The following PTPRD variants were observed in gnomAD, a reference collection of about 807,000 sequenced individuals.
PTPRD encodes receptor-type tyrosine-protein phosphatase delta.
Under a neutral mutation model 214.5 loss-of-function variants are expected in PTPRD, and 34 were observed. The ratio of observed to expected loss-of-function variants is 0.16; its 90% CI spans 0.12 to 0.21. PTPRD has a LOEUF of 0.21. PTPRD is among the 10% of genes least tolerant of loss of function. The probability of loss-of-function intolerance (pLI) is 1.00; values close to 1 mark genes in which losing one functional copy is unlikely to be tolerated. For missense variants in PTPRD, 2,545 were observed against 2,398.7 expected (o/e 1.06, Z -1.27); for synonymous variants, 1,128 against 845.7 (o/e 1.33, Z -5.79).
In PTPRD at chr9:10,542,649, C is replaced by T. The variant is rs182280874; in HGVS notation, c.-600+69749G>A. Among the ~76,000 whole-genome samples the T allele has an allele frequency of 1.9e-3, 294 of 152,156 alleles. 2 individuals carry two copies. Among genetic ancestry groups the T allele is most frequent in the African/African-American group, 6.9e-3 (286 of 41,532 alleles). On this transcript the variant is annotated intron_variant, in intron 2 of 45. Coordinates refer to ENST00000381196, the MANE Select transcript of PTPRD (RefSeq NM_002839.4). ...ATCACTTACCTTTATATTGGTAACA[C>T]ATATATTCACAGTGAAATATTGTAG...
At chr9:9,756,091 G>C (rs1428350445) in intron 6 of PTPRD, among the ~76,000 whole-genome samples, 1 of 151,832 alleles carries the variant, frequency 6.6e-6, no homozygotes, top group African/African-American at 2.4e-5. Context: ...TTTAGATTGA[G>C]GATATCTGGA....
At chr9:9,518,707 G>C (rs570278301) in intron 8 of PTPRD, among the ~76,000 whole-genome samples, 1 of 151,990 alleles carries the variant, frequency 6.6e-6, no homozygotes, top group South Asian at 2.1e-4. Flanking sequence ...GTGTGAAAGA[G>C]TTTTAATGTA....
intron 14 of PTPRD, among the ~76,000 whole-genome samples, chr9:8,621,465 T>C (rs1423743173): frequency 6.6e-6 from 1 of 152,006 alleles, no homozygotes; most frequent in Admixed American, 6.6e-5. Context: ...AAAGATTGGC[T>C]CAAACCCCAG....
intron 3 of PTPRD, among the ~76,000 whole-genome samples, chr9:10,332,811 C>T (rs1308421418): frequency 6.6e-6 from 1 of 151,820 alleles, no homozygotes; most frequent in Non-Finnish European, 1.5e-5. Context: ...ATGAGCCTCT[C>T]AGGACAGTTT....
At chr9:9,758,513 G>C (rs111573057) in intron 6 of PTPRD, among the ~76,000 whole-genome samples, 2,008 of 152,226 alleles carry the variant, frequency 0.013, 28 homozygotes, top group African/African-American at 0.029. Context: ...GATTGTGAGA[G>C]AGGCAGCGTG....
At position 8,456,339 on chromosome 9, in the gene PTPRD, G is replaced by A. The variant is rs558052115; in HGVS notation, c.3875+4072C>T. ...GCCCGAACTGCTAGAGAGGGGAGGA[G>A]AAGAGAGGACAGAAAATGAGGCAGG... On this transcript the variant is annotated intron_variant, in intron 33 of 45. Transcript: ENST00000381196. Among the ~76,000 whole-genome samples, 5 of 152,248 alleles carry A rather than the reference G, an allele frequency of 3.3e-5. No homozygotes were observed. In the South Asian group the frequency reaches 8.3e-4, roughly 25 times the overall value.
At chr9:8,492,400 C>T (rs141063278) in intron 27 of PTPRD, among the ~76,000 whole-genome samples, 1 of 152,184 alleles carries the variant, frequency 6.6e-6, no homozygotes, top group African/African-American at 2.4e-5. Context: ...ACCAGAACTT[C>T]TCAGCCCCTA....
At chr9:9,719,783 C>G (rs1014255626) in intron 7 of PTPRD, among the ~76,000 whole-genome samples, 3 of 152,190 alleles carry the variant, frequency 2.0e-5, no homozygotes, top group African/African-American at 7.2e-5. Flanking sequence ...TTTCTGGCAT[C>G]TCTACGCTTT....
At chr9:10,017,227 T>C (rs1001653215) in intron 4 of PTPRD, among the ~76,000 whole-genome samples, 1 of 152,206 alleles carries the variant, frequency 6.6e-6, no homozygotes, top group East Asian at 1.9e-4. Flanking sequence ...ATTGATAGCA[T>C]ATTTTCATAA....
At chr9:8,667,701 T>A (rs1205725911) in intron 12 of PTPRD, among the ~76,000 whole-genome samples, 2 of 152,122 alleles carry the variant, frequency 1.3e-5, no homozygotes, top group Non-Finnish European at 2.9e-5. Context: ...GAATTTTGTG[T>A]TTAGACTTGG....
intron 32 of PTPRD, among the ~76,000 whole-genome samples, chr9:8,461,903 G>A (rs974752128): frequency 6.6e-5 from 10 of 151,736 alleles, no homozygotes; most frequent in Non-Finnish European, 1.2e-4. Flanking sequence ...TCCAGCCTTG[G>A]CCTCCCAAAG....
At chr9:10,444,953 A>G (rs2098788635) in intron 2 of PTPRD, among the ~76,000 whole-genome samples, 1 of 152,066 alleles carries the variant, frequency 6.6e-6, no homozygotes, top group Admixed American at 6.6e-5. Flanking sequence ...AGAACAATAC[A>G]AAACACAGAA....
chr9:8,432,466 G>A (rs1447778682), intron 35 of PTPRD, among the ~76,000 whole-genome samples: 1 of 152,134 alleles, frequency 6.6e-6, no homozygotes, highest in Non-Finnish European at 1.5e-5. Context: ...CAGGATCAGT[G>A]CAAACAGCTT....
chr9:8,376,308 A>G (rs1437645721), intron 38 of PTPRD, among the ~76,000 whole-genome samples: 1 of 152,068 alleles, frequency 6.6e-6, no homozygotes, highest in African/African-American at 2.4e-5. Flanking sequence ...GAGAAGCATT[A>G]TATTTTTCAG....
chr9:10,178,163 T>C (rs866285784), intron 3 of PTPRD, among the ~76,000 whole-genome samples: 2 of 151,962 alleles, frequency 1.3e-5, no homozygotes, highest in Non-Finnish European at 2.9e-5. Context: ...GTTTCTAAGT[T>C]GTAAAAGATA....
chr9:9,900,101 A>G (rs2076036783), intron 5 of PTPRD, among the ~76,000 whole-genome samples: 1 of 152,202 alleles, frequency 6.6e-6, no homozygotes, highest in Non-Finnish European at 1.5e-5. Flanking sequence ...AAATCTCTCT[A>G]GCAAGTGGTT....
At chr9:9,732,812 C>T (rs538083680) in intron 7 of PTPRD, among the ~76,000 whole-genome samples, 2 of 151,930 alleles carry the variant, frequency 1.3e-5, no homozygotes, top group East Asian at 1.9e-4. Flanking sequence ...AGCCAGGGAC[C>T]GTGGTGTGGC....
At chr9:9,101,938 T>C (rs1344046811) in intron 10 of PTPRD, among the ~76,000 whole-genome samples, 3 of 152,208 alleles carry the variant, frequency 2.0e-5, no homozygotes, top group Admixed American at 6.5e-5. Flanking sequence ...TAAATAATGA[T>C]ACCTCTTGGC....
At chr9:9,192,855 T>G (rs1265304766) in intron 9 of PTPRD, among the ~76,000 whole-genome samples, 4 of 152,124 alleles carry the variant, frequency 2.6e-5, no homozygotes, top group Non-Finnish European at 4.4e-5. Flanking sequence ...AGTCACGAGA[T>G]AAGCTGCAGC....
Sources: gnomAD v4.1 joint callset for allele counts (sites outside exome capture counted in the v4.1 genomes callset) on GRCh38, gnomAD v4.1.1 for gene constraint, MANE v1.5 for transcripts, NCBI Gene and HGNC (gene_info 2026-07-23, HGNC 2026-07-21) for gene names.